The following PLAT variants were observed in gnomAD, a reference collection of about 807,000 sequenced individuals.
The protein encoded by PLAT is plasminogen activator, tissue type, also known as tissue-type plasminogen activator.
PLAT carries 48 observed loss-of-function variants against 74.9 expected under a neutral mutation model. The ratio of observed to expected loss-of-function variants is 0.64; its 90% CI spans 0.51 to 0.82. The LOEUF (loss-of-function observed/expected upper bound fraction) is 0.82. PLAT is among the 40% of genes least tolerant of loss of function. The pLI is 0.00. For missense variants in PLAT, 673 were observed against 736.2 expected (o/e 0.91, Z 0.99); for synonymous variants, 307 against 294.4 (o/e 1.04, Z -0.44).
chr8:42,188,489 G>T, intron 4 of PLAT: 1 of 167,344 alleles, frequency 6.0e-6, no homozygotes, highest in Non-Finnish European at 1.3e-5. Context: ...GCCTAAGGCC[G>T]AACAGGCCTG....
intron 6 of PLAT, 53 bp from the exon 7 acceptor site, chr8:42,185,225 CTT>C: frequency 8.8e-7 from 1 of 1,140,006 alleles, no homozygotes. Context: ...GAAGCCTCTC[CTT>C]TAGGACCCAA....
At chr8:42,180,823 C>T in intron 9 of PLAT, 138 bp from the exon 10 acceptor site, 2 of 646,554 alleles carry the variant, frequency 3.1e-6, no homozygotes, top group Admixed American at 3.2e-5. Flanking sequence ...GTTGTCCATA[C>T]ATTCTCTTTA....
chr8:42,192,712 G>A (rs1024807228), intron 2 of PLAT, among the ~76,000 whole-genome samples: 2 of 152,186 alleles, frequency 1.3e-5, no homozygotes, highest in African/African-American at 4.8e-5. Flanking sequence ...TTCTATATGA[G>A]GAACTTGAGT....
chr8:42,181,586 G>T (rs992321982), intron 9 of PLAT, among the ~76,000 whole-genome samples: 1 of 152,138 alleles, frequency 6.6e-6, no homozygotes, highest in African/African-American at 2.4e-5. Flanking sequence ...TGTGGTGAAG[G>T]CACTTTATTA....
rs1344388565 is a variant in PLAT at position 42,187,232 on chromosome 8, A to G, written c.539+166T>C. ...ATCACCTATCATCTATCATCTATCA[A>G]TCTATCATCTATCACCTATCATCTA... is the stretch of plus-strand genomic sequence containing the variant. On this transcript the variant is annotated intron_variant, in intron 6 of 13. Coordinates refer to ENST00000220809, the MANE Select transcript of PLAT (RefSeq NM_000930.5). 2.6e-5 allele frequency: 14 copies of G among 530,060 alleles called. No individual in the cohort carries two copies. In the East Asian group the frequency reaches 3.8e-4, roughly 14 times the overall value. The allele number at this position is 530,060 out of a possible 1,614,324, so 32.8% of individuals were successfully genotyped here.
At chr8:42,186,481 C>T (rs1327316749) in intron 6 of PLAT, 1 of 152,216 alleles carries the variant, frequency 6.6e-6, no homozygotes, top group Non-Finnish European at 1.5e-5. Context: ...GTTATCCCAA[C>T]TTTCCCGACC....
At chr8:42,178,202 TC>T (rs1227059255) in intron 13 of PLAT, among the ~76,000 whole-genome samples, 1 of 152,140 alleles carries the variant, frequency 6.6e-6, no homozygotes, top group Non-Finnish European at 1.5e-5. Flanking sequence ...TTGCCTTTCT[TC>T]CTTCTCCTTC....
At chr8:42,187,832 G>T in intron 5 of PLAT, 74 bp downstream of exon 5, 1 of 1,098,492 alleles carries the variant, frequency 9.1e-7, no homozygotes, top group Non-Finnish European at 1.4e-6. Flanking sequence ...ATCGCACCCT[G>T]CCTTTCCTTC....
At chr8:42,180,427 C>T (rs1434681451) in intron 10 of PLAT, 49 bp from the exon 11 acceptor site, 2 of 1,613,990 alleles carry the variant, frequency 1.2e-6, no homozygotes, top group South Asian at 1.1e-5. Context: ...GGGATTTCCC[C>T]TAAAGGGCTT....
chr8:42,176,232 G>T, intron 13 of PLAT, 81 bp from the exon 14 acceptor site: 1 of 1,000,710 alleles, frequency 1.0e-6, no homozygotes, highest in Non-Finnish European at 1.5e-6. Flanking sequence ...CATGAACATC[G>T]TAATCTTCAA....
rs769212083 is a variant in PLAT, at chr8:42,179,047, C to T, written c.1380G>A (p.Ser460=). 8 of 1,611,722 alleles carry T rather than the reference C, an allele frequency of 5.0e-6. No homozygotes were observed. Among genetic ancestry groups the T allele is most frequent in the East Asian group, 4.5e-5 (2 of 44,864 alleles). ...GKHEALSPFY[S]ERLKEAHVRL... ...TGACATGAGCCTCCTTCAGCCGCTC[C>T]GAATAGAAAGGAGACACTGAAAGGG... Residue 460 remains serine (S), a synonymous_variant, in exon 13 of 14, where the codon TCG becomes TCA. Transcript: ENST00000220809.
chr8:42,184,226 C>T (rs1326426040), intron 7 of PLAT, among the ~76,000 whole-genome samples: 1 of 152,004 alleles, frequency 6.6e-6, no homozygotes, highest in Non-Finnish European at 1.5e-5. Context: ...TAGACACGAG[C>T]CACTGCACCT....
intron 2 of PLAT, among the ~76,000 whole-genome samples, chr8:42,192,900 G>A (rs572891222): frequency 3.3e-5 from 5 of 152,284 alleles, no homozygotes; most frequent in East Asian, 1.9e-4. Flanking sequence ...AAGTGCCTAG[G>A]GCCCAGCTAC....
chr8:42,192,961 G>A (rs1413446558), intron 2 of PLAT, among the ~76,000 whole-genome samples, 153 bp downstream of exon 2: 2 of 152,212 alleles, frequency 1.3e-5, no homozygotes, highest in South Asian at 2.1e-4. Context: ...AGTGTGTGCT[G>A]TGTGCTCCAC....
intron 1 of PLAT, among the ~76,000 whole-genome samples, chr8:42,207,126 G>T (rs996768921): frequency 6.6e-6 from 1 of 152,216 alleles, no homozygotes; most frequent in Non-Finnish European, 1.5e-5. Flanking sequence ...CGTGTCCCAA[G>T]GCAGCCGATT....
chr8:42,192,201 A>G (rs1285988077), intron 2 of PLAT, among the ~76,000 whole-genome samples: 1 of 151,784 alleles, frequency 6.6e-6, no homozygotes, highest in African/African-American at 2.4e-5. Context: ...ACAGCATCTC[A>G]CTATATTGCC....
At chr8:42,194,003 C>CAT (rs1563261064) in intron 1 of PLAT, among the ~76,000 whole-genome samples, 72 of 1,086 alleles carry the variant, frequency 0.066, no homozygotes, top group South Asian at 0.38. Flanking sequence ...CGTGAGCCAC[C>CAT]GCGCCCCCGC....
At chr8:42,198,881 G>A (rs965503477) in intron 1 of PLAT, among the ~76,000 whole-genome samples, 5 of 151,646 alleles carry the variant, frequency 3.3e-5, no homozygotes, top group Admixed American at 6.6e-5. Flanking sequence ...TGCCACCCCC[G>A]CCACAACCAC....
rs1453071349 is a variant in PLAT, at chr8:42,193,112, A to G, written c.72+2T>C. 11 of 1,610,228 alleles carry G rather than the reference A, an allele frequency of 6.8e-6. No individual in the cohort carries two copies. Among genetic ancestry groups the G allele is most frequent in the Admixed American group, 1.7e-5 (1 of 59,998 alleles). On this transcript the variant is annotated splice_donor_variant, in intron 2 of 13. Transcript: ENST00000220809. LOFTEE classifies it high-confidence loss of function. The stretch of plus-strand genomic sequence containing the variant: ...CGGGACACAGGGATCCTGCACACCA[A>G]CCTGGCTGGGCGAAACGAAGACTGC...
Sources: allele counts gnomAD v4.1 joint callset (sites outside exome capture counted in the v4.1 genomes callset), GRCh38; gene constraint gnomAD v4.1.1; transcripts MANE v1.5; gene names NCBI Gene and HGNC (gene_info 2026-07-23, HGNC 2026-07-21).